The following PALLD variants were observed in gnomAD, a reference collection of about 807,000 sequenced individuals.
PALLD encodes palladin.
Under a neutral mutation model 123.5 loss-of-function variants are expected in PALLD, and 61 were observed. The ratio of observed to expected loss-of-function variants is 0.49; its 90% CI spans 0.40 to 0.61. The LOEUF (loss-of-function observed/expected upper bound fraction) is 0.61. Ranked by LOEUF, PALLD falls within the 20% of genes least tolerant of loss-of-function variation. PALLD has a pLI of 0.00. For missense variants in PALLD, 1,273 were observed against 1,377.0 expected (o/e 0.92, Z 1.20); for synonymous variants, 465 against 496.4 (o/e 0.94, Z 0.84).
At chr4:168,675,899 TA>T (rs995944397) in intron 3 of PALLD, among the ~76,000 whole-genome samples, 1 of 150,778 alleles carries the variant, frequency 6.6e-6, no homozygotes, top group African/African-American at 2.4e-5. Flanking sequence ...CTATAAAAAA[TA>T]AAAAAAATAG....
At chr4:168,557,684 C>T (rs189464919) in intron 2 of PALLD, among the ~76,000 whole-genome samples, 385 of 152,254 alleles carry the variant, frequency 2.5e-3, no homozygotes, top group Middle Eastern at 6.8e-3. Context: ...CGTAAGGTGC[C>T]CTACATGTGC....
chr4:168,502,925 G>A (rs1273908605), intron 1 of PALLD, among the ~76,000 whole-genome samples: 1 of 152,158 alleles, frequency 6.6e-6, no homozygotes, highest in East Asian at 1.9e-4. Flanking sequence ...ATAACACTTA[G>A]CTGAAGAGAG....
chr4:168,640,154 C>T (rs1776799160), intron 2 of PALLD, among the ~76,000 whole-genome samples: 1 of 152,172 alleles, frequency 6.6e-6, no homozygotes, highest in Admixed American at 6.5e-5. Flanking sequence ...ATAGCCGGGC[C>T]TCACTGGCTC....
chr4:168,539,198 T>A (rs1480672937), intron 2 of PALLD, among the ~76,000 whole-genome samples: 1 of 152,178 alleles, frequency 6.6e-6, no homozygotes, highest in African/African-American at 2.4e-5. Flanking sequence ...CTTAGAGAAA[T>A]TAAGTAACTT....
At chr4:168,748,061 G>C (rs1730551137) in intron 10 of PALLD, among the ~76,000 whole-genome samples, 1 of 152,100 alleles carries the variant, frequency 6.6e-6, no homozygotes, top group Admixed American at 6.5e-5. Flanking sequence ...GGAGGAACAG[G>C]AGAAAATGTT....
intron 3 of PALLD, among the ~76,000 whole-genome samples, chr4:168,676,806 C>T (rs543594408): frequency 4.6e-5 from 7 of 151,632 alleles, no homozygotes; most frequent in Admixed American, 6.6e-5. Flanking sequence ...GTCTCGATCT[C>T]CTGACCTTGT....
chr4:168,637,309 C>T (rs1454756587), intron 2 of PALLD, among the ~76,000 whole-genome samples: 3 of 152,024 alleles, frequency 2.0e-5, no homozygotes, highest in African/African-American at 4.8e-5. Flanking sequence ...AGTTCTCAGC[C>T]GGCTGGTGTA....
chr4:168,557,061 TGAGACAGA>T, intron 2 of PALLD, among the ~76,000 whole-genome samples: 1 of 152,034 alleles, frequency 6.6e-6, no homozygotes, highest in Non-Finnish European at 1.5e-5. Flanking sequence ...TGTTTTGTTT[TGAGACAGA>T]GTCTCGCTCT....
chr4:168,745,786 TGC>T (rs199976783), intron 10 of PALLD, among the ~76,000 whole-genome samples: 4,579 of 152,296 alleles, frequency 0.03, 205 homozygotes, highest in African/African-American at 0.095. Context: ...AAAAACTACC[TGC>T]GCTAGTTTGC....
chr4:168,785,846 G>GATATATAT (rs6148775), intron 10 of PALLD, among the ~76,000 whole-genome samples: 1,901 of 80,724 alleles, frequency 0.024, 117 homozygotes, highest in Middle Eastern at 0.036. Flanking sequence ...AAACTGTAGA[G>GATATATAT]ATATATATAT....
chr4:168,612,512 G>T (rs931982059), intron 2 of PALLD, among the ~76,000 whole-genome samples: 1 of 152,198 alleles, frequency 6.6e-6, no homozygotes, highest in Admixed American at 6.5e-5. Context: ...GAACAATGGT[G>T]AAAGTTTTCC....
chr4:168,839,073 C>G (rs1443372654), intron 10 of PALLD, among the ~76,000 whole-genome samples: 1 of 152,126 alleles, frequency 6.6e-6, no homozygotes, highest in East Asian at 1.9e-4. Context: ...CCACCTCAGT[C>G]TCCCAAATAG....
At chr4:168,864,513 T>C (rs1749980311) in intron 10 of PALLD, 1 of 152,252 alleles carries the variant, frequency 6.6e-6, no homozygotes, top group Non-Finnish European at 1.5e-5. Flanking sequence ...TCCATCCACA[T>C]GTTCCATGCT....
chr4:168,616,568 C>T (rs1396670600), intron 2 of PALLD, among the ~76,000 whole-genome samples: 3 of 152,154 alleles, frequency 2.0e-5, no homozygotes, highest in African/African-American at 7.2e-5. Flanking sequence ...TCTCATACCT[C>T]GGCCTCTCTA....
At chr4:168,699,004 C>T (rs1783422684) in intron 8 of PALLD, among the ~76,000 whole-genome samples, 1 of 151,994 alleles carries the variant, frequency 6.6e-6, no homozygotes, top group African/African-American at 2.4e-5. Context: ...CACTGTTATT[C>T]GTTAAATGGT....
intron 10 of PALLD, among the ~76,000 whole-genome samples, chr4:168,776,115 C>A (rs1735136922): frequency 6.6e-6 from 1 of 152,152 alleles, no homozygotes; most frequent in African/African-American, 2.4e-5. Context: ...ACTTATAGAT[C>A]AATTTGAGGA....
At chr4:168,688,480 G>A (rs1782296905) in intron 6 of PALLD, among the ~76,000 whole-genome samples, 1 of 152,156 alleles carries the variant, frequency 6.6e-6, no homozygotes, top group East Asian at 1.9e-4. Flanking sequence ...TGATGGTATG[G>A]CCAGAGGGGT....
At chr4:168,710,059 C>T (rs1326839545) in intron 9 of PALLD, among the ~76,000 whole-genome samples, 1 of 152,054 alleles carries the variant, frequency 6.6e-6, no homozygotes, top group East Asian at 1.9e-4. Context: ...ACAAGATAAG[C>T]CTTCTTGTAT....
chr4:168,570,255 C>A (rs1479634464), intron 2 of PALLD, among the ~76,000 whole-genome samples: 1 of 152,160 alleles, frequency 6.6e-6, no homozygotes, highest in African/African-American at 2.4e-5. Context: ...CAAATAGATA[C>A]TGTCTTTGTA....
Sources: allele counts gnomAD v4.1 joint callset (sites outside exome capture counted in the v4.1 genomes callset), GRCh38; gene constraint gnomAD v4.1.1; transcripts MANE v1.5; gene names NCBI Gene and HGNC (gene_info 2026-07-23, HGNC 2026-07-21).